The following TIAM1 variants were observed in gnomAD, a reference collection of about 807,000 sequenced individuals.
The protein encoded by TIAM1 is TIAM Rac1 associated GEF 1.
Under a neutral mutation model 163.5 loss-of-function variants are expected in TIAM1, and 65 were observed. That is an observed-to-expected ratio of 0.40 (90% CI 0.33 to 0.49). The LOEUF is 0.49. TIAM1 is among the 20% of genes least tolerant of loss of function. TIAM1 has a pLI of 0.77. For synonymous variants in TIAM1, 833 were observed against 810.1 expected, an observed-to-expected ratio of 1.03 and a Z score of -0.48; for missense variants, 1,789 against 2,044.7, an observed-to-expected ratio of 0.87 and a Z score of 2.41.
Position 31,395,511 on chromosome 21 carries a change from T to C in TIAM1, c.-368-56089A>G, listed in dbSNP as rs1004154458. Reference sequence around the variant, plus strand: ...CATCTAAACACAGCCAATCACCAGATACGCCACAGAGGCGAAGAGAAGGGC... The same window carrying C: ...CATCTAAACACAGCCAATCACCAGACACGCCACAGAGGCGAAGAGAAGGGC... On this transcript the variant is annotated intron_variant, in intron 2 of 28. Transcript: ENST00000286827. The surrounding 1 kb of genome is among the most constrained non-coding windows in gnomAD (Gnocchi z 7.5). Among the ~76,000 whole-genome samples, 1 of 152,142 alleles carries C rather than the reference T, an allele frequency of 6.6e-6. No individual in the cohort carries two copies. Among genetic ancestry groups the C allele is most frequent in the Non-Finnish European group, 1.5e-5 (1 of 68,024 alleles).
chr21:31,454,565 C>A (rs955437123), intron 2 of TIAM1, among the ~76,000 whole-genome samples: 1 of 152,054 alleles, frequency 6.6e-6, no homozygotes, highest in Admixed American at 6.6e-5. Context: ...GAGGAAGGGG[C>A]CATGTGGAAC....
At chr21:31,148,386 C>T (rs905941994) in intron 19 of TIAM1, among the ~76,000 whole-genome samples, 19 of 152,174 alleles carry the variant, frequency 1.2e-4, no homozygotes, top group Admixed American at 5.2e-4. Flanking sequence ...CCCCTGCACA[C>T]GCTCTCTTGC....
At chr21:31,196,616 G>A (rs1342112570) in intron 12 of TIAM1, among the ~76,000 whole-genome samples, 3 of 151,828 alleles carry the variant, frequency 2.0e-5, no homozygotes, top group East Asian at 1.9e-4. Flanking sequence ...CACCATGCCC[G>A]GCTGAGAAGG....
chr21:31,464,585 G>A (rs1447953539), intron 1 of TIAM1, among the ~76,000 whole-genome samples: 1 of 152,042 alleles, frequency 6.6e-6, no homozygotes, highest in African/African-American at 2.4e-5. Flanking sequence ...GCTCACGCCT[G>A]TAATCCTAGC....
intron 1 of TIAM1, among the ~76,000 whole-genome samples, chr21:31,558,085 T>C (rs1212140639): frequency 1.3e-5 from 2 of 151,952 alleles, no homozygotes; most frequent in Non-Finnish European, 2.9e-5. Flanking sequence ...CCGCCGGGGC[T>C]GGGGGGCGCA....
intron 22 of TIAM1, among the ~76,000 whole-genome samples, chr21:31,139,838 G>A (rs2082765712): frequency 1.3e-5 from 2 of 152,172 alleles, no homozygotes; most frequent in African/African-American, 2.4e-5. Flanking sequence ...ACTGTACACT[G>A]TCTTTGAGAG....
intron 1 of TIAM1, among the ~76,000 whole-genome samples, chr21:31,533,298 G>A (rs2048028162): frequency 6.6e-6 from 1 of 152,188 alleles, no homozygotes. Flanking sequence ...TCCAGCTTAG[G>A]CAACAGAGTG....
chr21:31,365,151 C>T (rs1032454841), intron 2 of TIAM1, among the ~76,000 whole-genome samples: 14 of 152,258 alleles, frequency 9.2e-5, no homozygotes, highest in African/African-American at 3.1e-4. Context: ...TTCAACGACC[C>T]CAGATCTAGT....
At chr21:31,405,875 A>G (rs796603930) in intron 2 of TIAM1, among the ~76,000 whole-genome samples, 3 of 152,316 alleles carry the variant, frequency 2.0e-5, no homozygotes, top group African/African-American at 7.2e-5. Context: ...GACATTTAAA[A>G]GTGATATTAA....
At chr21:31,474,546 CTT>C (rs33930958) in intron 1 of TIAM1, among the ~76,000 whole-genome samples, 42,827 of 141,730 alleles carry the variant, frequency 0.3, 6,416 homozygotes, top group Non-Finnish European at 0.35. Context: ...AACCTTTAGT[CTT>C]TTTTTTTTTT....
chr21:31,264,849 CCAT>C (rs2072666553), intron 4 of TIAM1, among the ~76,000 whole-genome samples: 1 of 152,206 alleles, frequency 6.6e-6, no homozygotes, highest in Non-Finnish European at 1.5e-5. Context: ...GGCTGCTCCG[CCAT>C]TCAAGGCAAA....
intron 1 of TIAM1, among the ~76,000 whole-genome samples, chr21:31,494,216 T>C (rs1434241403): frequency 6.6e-6 from 1 of 151,926 alleles, no homozygotes; most frequent in Admixed American, 6.6e-5. Context: ...GCCCGGCCCA[T>C]CTAATAATTT....
intron 2 of TIAM1, among the ~76,000 whole-genome samples, chr21:31,372,213 G>A (rs1344732801): frequency 1.3e-5 from 2 of 152,096 alleles, no homozygotes; most frequent in African/African-American, 2.4e-5. Context: ...AAAAATGTAG[G>A]AAAACATCAT....
At chr21:31,129,466 C>T (rs1193559529) in intron 25 of TIAM1, among the ~76,000 whole-genome samples, 7 of 152,152 alleles carry the variant, frequency 4.6e-5, no homozygotes, top group Admixed American at 4.6e-4. Flanking sequence ...CTTGCTTGAG[C>T]CCAGGAGTTC....
chr21:31,370,191 G>T (rs1181594973), intron 2 of TIAM1, among the ~76,000 whole-genome samples: 1 of 152,124 alleles, frequency 6.6e-6, no homozygotes, highest in Non-Finnish European at 1.5e-5. Flanking sequence ...TTTGTTATAG[G>T]AGCCGAATGG....
At chr21:31,155,711 G>A (rs56360393) in intron 16 of TIAM1, among the ~76,000 whole-genome samples, 7,961 of 151,846 alleles carry the variant, frequency 0.052, 490 homozygotes, top group African/African-American at 0.15. Context: ...TCAACATGTT[G>A]GCCAGGATGG....
intron 17 of TIAM1, among the ~76,000 whole-genome samples, chr21:31,153,377 C>A (rs1450522437): frequency 6.6e-6 from 1 of 152,106 alleles, no homozygotes; most frequent in Non-Finnish European, 1.5e-5. Flanking sequence ...ATTGCAACTT[C>A]TTCAACTGTA....
chr21:31,197,748 C>T (rs932633758), intron 12 of TIAM1, among the ~76,000 whole-genome samples: 2 of 152,144 alleles, frequency 1.3e-5, no homozygotes, highest in Non-Finnish European at 2.9e-5. Context: ...ACGCCTCTCA[C>T]GCTAACTCCA....
intron 13 of TIAM1, among the ~76,000 whole-genome samples, chr21:31,193,183 C>T (rs935126833): frequency 1.3e-5 from 2 of 152,194 alleles, no homozygotes; most frequent in Non-Finnish European, 2.9e-5. Flanking sequence ...CATAGGAAAG[C>T]GTTAACACAG....
Sources: allele counts gnomAD v4.1 joint callset (sites outside exome capture counted in the v4.1 genomes callset), GRCh38; gene constraint gnomAD v4.1.1; non-coding constraint Gnocchi (gnomAD v3.1); transcripts MANE v1.5; gene names NCBI Gene and HGNC (gene_info 2026-07-23, HGNC 2026-07-21).